The following RFX7 variants were observed in gnomAD, a reference collection of about 807,000 sequenced individuals.
RFX7 encodes regulatory factor X7.
In RFX7, 26 loss-of-function variants were observed where a neutral mutation model predicts 111.8. The ratio of observed to expected loss-of-function variants is 0.23; its 90% CI spans 0.17 to 0.32. The LOEUF (loss-of-function observed/expected upper bound fraction) is 0.32, where lower values mean the gene tolerates loss of function less well. Among genes scored for constraint, RFX7 ranks in the 10% least tolerant of loss-of-function variants. The pLI, the probability that RFX7 is intolerant of heterozygous loss-of-function variation, is 1.00. For missense variants in RFX7, 1,573 were observed against 1,772.9 expected, an observed-to-expected ratio of 0.89 and a Z score of 2.02; for synonymous variants, 624 against 624.4, an observed-to-expected ratio of 1.00 and a Z score of 0.01.
At chr15:56,103,069 A>C (rs1222881106) in intron 6 of RFX7, among the ~76,000 whole-genome samples, 1 of 151,988 alleles carries the variant, frequency 6.6e-6, no homozygotes, top group African/African-American at 2.4e-5. Context: ...ATGGGCTTTA[A>C]ATGGATGGCT....
chr15:56,240,167 T>A (rs1274295632), intron 2 of RFX7, among the ~76,000 whole-genome samples: 2 of 151,406 alleles, frequency 1.3e-5, no homozygotes, highest in African/African-American at 2.4e-5. Flanking sequence ...AAAATACAAA[T>A]AACCTTACAG....
chr15:56,144,336 C>T, intron 4 of RFX7, 65 bp downstream of exon 4: 1 of 819,394 alleles, frequency 1.2e-6, no homozygotes, highest in African/African-American at 1.8e-5. Flanking sequence ...ACATACAGAC[C>T]TCACATATAT....
intron 5 of RFX7, among the ~76,000 whole-genome samples, chr15:56,113,213 T>A (rs2041962295): frequency 1.3e-5 from 2 of 152,226 alleles, no homozygotes; most frequent in African/African-American, 2.4e-5. Context: ...GTATGTTTAC[T>A]GCAGCACTAT....
At position 56,179,311 on chromosome 15, in the gene RFX7, A is replaced by C; in HGVS notation, c.162-8T>G. On this transcript the variant is annotated splice_region_variant and splice_polypyrimidine_tract_variant and intron_variant, in intron 2 of 9. Coordinates refer to ENST00000559447, the MANE Select transcript of RFX7 (RefSeq NM_022841.7). ...TTAGATTGTACAGTTTTGCTAAAAG[A>C]AAGAGAAAGTTAGGTTAGTAAAATG... 1 of 1,272,722 alleles carries C rather than the reference A, an allele frequency of 7.9e-7. No individual in the cohort carries two copies. The allele number at this position is 1,272,722 out of a possible 1,614,324, so 78.8% of individuals were successfully genotyped here.
upstream of RFX7, among the ~76,000 whole-genome samples, chr15:56,244,774 G>A (rs1212533642): frequency 1.3e-5 from 2 of 151,944 alleles, no homozygotes; most frequent in Non-Finnish European, 2.9e-5. Context: ...TCCTTCCTTT[G>A]GAGCCCGTTG....
At chr15:56,182,520 G>T (rs2042985197) in intron 2 of RFX7, among the ~76,000 whole-genome samples, 1 of 152,054 alleles carries the variant, frequency 6.6e-6, no homozygotes, top group African/African-American at 2.4e-5. Flanking sequence ...GTTACTTCAA[G>T]TTGTTACTTG....
intron 2 of RFX7, among the ~76,000 whole-genome samples, chr15:56,180,117 A>C (rs186109912): frequency 3.3e-5 from 5 of 152,330 alleles, no homozygotes; most frequent in Admixed American, 2.6e-4. Flanking sequence ...TGTTAAAACC[A>C]AATTGTCTTC....
chr15:56,239,987 T>TC (rs1390407787), intron 2 of RFX7, among the ~76,000 whole-genome samples: 1 of 110,690 alleles, frequency 9.0e-6, no homozygotes, highest in Non-Finnish European at 2.0e-5. Flanking sequence ...GGTATTTCTT[T>TC]TTTTTTTTTT....
intron 3 of RFX7, among the ~76,000 whole-genome samples, chr15:56,167,186 T>C (rs1306877930): frequency 6.7e-6 from 1 of 149,698 alleles, no homozygotes; most frequent in Non-Finnish European, 1.5e-5. Context: ...TGTGCACCTA[T>C]AGTCCCAGCT....
intron 3 of RFX7, among the ~76,000 whole-genome samples, chr15:56,146,530 G>GA (rs1362178269): frequency 6.6e-6 from 1 of 151,990 alleles, no homozygotes; most frequent in Non-Finnish European, 1.5e-5. Context: ...TGATCATAAA[G>GA]AAAAAAATCT....
chr15:56,174,359 T>A (rs1317561992), intron 3 of RFX7, among the ~76,000 whole-genome samples: 2 of 152,166 alleles, frequency 1.3e-5, no homozygotes, highest in Non-Finnish European at 2.9e-5. Flanking sequence ...ATGGGATTTA[T>A]AGCAGATTAG....
chr15:56,215,033 C>T (rs142550600), intron 2 of RFX7, among the ~76,000 whole-genome samples: 116 of 152,226 alleles, frequency 7.6e-4, no homozygotes, highest in African/African-American at 2.6e-3. Context: ...TTCACTAATA[C>T]GTACAATTGT....
intron 5 of RFX7, among the ~76,000 whole-genome samples, chr15:56,139,591 C>A (rs149591787): frequency 2.7e-4 from 41 of 152,236 alleles, no homozygotes; most frequent in Non-Finnish European, 4.9e-4. Context: ...GTAATTTGAT[C>A]GTCTGAAGCC....
At chr15:56,132,274 A>G (rs2042227983) in intron 5 of RFX7, among the ~76,000 whole-genome samples, 1 of 152,058 alleles carries the variant, frequency 6.6e-6, no homozygotes, top group South Asian at 2.1e-4. Flanking sequence ...AACCAAGGAA[A>G]CTTGTGAAAA....
chr15:56,187,418 C>G (rs2043053365), intron 2 of RFX7, among the ~76,000 whole-genome samples: 1 of 151,764 alleles, frequency 6.6e-6, no homozygotes, highest in African/African-American at 2.4e-5. Flanking sequence ...ACTGTGTTGC[C>G]CAGGCTGGTC....
rs374307360 is a variant in RFX7 at position 56,129,193 on chromosome 15, T to C, written c.401+13585A>G. On this transcript the variant is annotated intron_variant, in intron 5 of 9. Transcript: ENST00000559447. ...GAGTTTGAGACCAGCCTTGCCAACA[T>C]GGTGAAACCCATCCCTATAATAAAT... Among the ~76,000 whole-genome samples the C allele has an allele frequency of 1.1e-4, 17 of 152,154 alleles. No homozygotes were observed. In the East Asian group the frequency reaches 1.9e-3, roughly 17 times the overall value.
At chr15:56,111,169 G>T (rs1398765769) in intron 5 of RFX7, among the ~76,000 whole-genome samples, 1 of 138,084 alleles carries the variant, frequency 7.2e-6, no homozygotes, top group African/African-American at 2.6e-5. Flanking sequence ...CATTGAGAAC[G>T]GGCCAGGATG....
At chr15:56,179,924 C>T (rs898428628) in intron 2 of RFX7, among the ~76,000 whole-genome samples, 1 of 152,008 alleles carries the variant, frequency 6.6e-6, no homozygotes, top group African/African-American at 2.4e-5. Flanking sequence ...AATAAAGCCA[C>T]TATACATCAA....
intron 5 of RFX7, among the ~76,000 whole-genome samples, chr15:56,134,842 C>T (rs2042274917): frequency 6.6e-6 from 1 of 152,028 alleles, no homozygotes; most frequent in South Asian, 2.1e-4. Flanking sequence ...TCAATCCCCA[C>T]CTATGAGTGA....
Sources: allele counts gnomAD v4.1 joint callset (sites outside exome capture counted in the v4.1 genomes callset), GRCh38; gene constraint gnomAD v4.1.1; transcripts MANE v1.5; gene names NCBI Gene and HGNC (gene_info 2026-07-23, HGNC 2026-07-21).